Variants in PROSER3 observed in about 807,000 individuals in gnomAD.
PROSER3 encodes proline and serine rich 3.
PROSER3 carries 33 observed loss-of-function variants against 50.2 expected under a neutral mutation model. The ratio of observed to expected loss-of-function variants is 0.66; its 90% CI spans 0.50 to 0.88. PROSER3 has a LOEUF of 0.88. Among genes scored for constraint, PROSER3 ranks in the 40% least tolerant of loss-of-function variants. The pLI is 0.00. For missense variants in PROSER3, 623 were observed against 612.7 expected (o/e 1.02, Z -0.18); for synonymous variants, 266 against 259.3 (o/e 1.03, Z -0.25).
downstream of PROSER3, chr19:35,769,306 C>CT (rs35628507): frequency 8.0e-3 from 1,074 of 134,046 alleles, 25 homozygotes; most frequent in African/African-American, 0.024. Context: ...TCCCCAGCTT[C>CT]TTTTTTTTTT....
intron 8 of PROSER3, chr19:35,767,105 CTG>C (rs1177172564): frequency 9.5e-7 from 1 of 1,055,134 alleles, no homozygotes; most frequent in Non-Finnish European, 1.3e-6. Context: ...CCTCAGTTCT[CTG>C]GGGACCCAGC....
chr19:35,764,855 A>G, exon 6 of PROSER3: 1 of 1,612,898 alleles, frequency 6.2e-7, no homozygotes, highest in Non-Finnish European at 8.5e-7. Flanking sequence ...ACCCTGCAGA[A>G]CCTCCACACA....
At position 35,759,540 on chromosome 19, in the gene PROSER3, A is replaced by AGATATGT. The variant is rs1742598646; in HGVS notation, c.108+72_108+73insTATGTGA. The stretch of plus-strand genomic sequence containing the variant: ...AGAGAATGACCTTTAGAGGGTAGGA[A>AGATATGT]GACATGTGATGAGAGATAGGGATGA... On this transcript the variant is annotated intron_variant, in intron 2 of 10. Transcript: ENST00000396908. The AGATATGT allele has an allele frequency of 4.3e-6, 6 of 1,385,450 alleles. No individual in the cohort carries two copies. In the African/African-American group the frequency reaches 7.2e-5, roughly 17 times the overall value. 85.8% of individuals were successfully genotyped at this position (1,385,450 alleles called of 1,614,324 possible). A position where few individuals can be genotyped will look rare whatever the true frequency, so the allele number is the denominator to read the frequency against.
intron 3 of PROSER3, among the ~76,000 whole-genome samples, chr19:35,761,426 C>T (rs1410687279): frequency 2.6e-5 from 4 of 152,134 alleles, no homozygotes; most frequent in Non-Finnish European, 4.4e-5. Context: ...AATTCCAGCA[C>T]TTTGGGAGGC....
At chr19:35,761,524 T>C (rs1418228842) in intron 3 of PROSER3, among the ~76,000 whole-genome samples, 1 of 151,972 alleles carries the variant, frequency 6.6e-6, no homozygotes, top group Non-Finnish European at 1.5e-5. Context: ...TAGCCGGGCG[T>C]GGTGGTGCAT....
intron 3 of PROSER3, among the ~76,000 whole-genome samples, chr19:35,760,354 A>G (rs1970916921): frequency 6.6e-6 from 1 of 152,108 alleles, no homozygotes; most frequent in African/African-American, 2.4e-5. Flanking sequence ...AGTTGCTGGG[A>G]TTACGATGCA....
chr19:35,765,111 G>C, exon 7 of PROSER3: 1 of 1,613,868 alleles, frequency 6.2e-7, no homozygotes, highest in South Asian at 1.1e-5. Flanking sequence ...AGCTCTGATG[G>C]CCTCTCTCCC....
exon 8 of PROSER3, chr19:35,766,833 C>G: frequency 6.4e-7 from 1 of 1,551,694 alleles, no homozygotes; most frequent in Non-Finnish European, 8.7e-7. Flanking sequence ...CTCCCAAGCA[C>G]CCCTTCGGCC....
chr19:35,759,595 C>T (rs1970886637), intron 2 of PROSER3, 125 bp downstream of exon 2: 2 of 1,035,154 alleles, frequency 1.9e-6, no homozygotes, highest in Non-Finnish European at 2.8e-6. Context: ...CTTGTCCCCT[C>T]CCCACGGCCC....
exon 10 of PROSER3, chr19:35,768,219 G>A: frequency 6.2e-7 from 1 of 1,612,974 alleles, no homozygotes; most frequent in South Asian, 1.1e-5. Flanking sequence ...ATAGGGCAGA[G>A]CTGAGTCGGC....
chr19:35,762,012 T>G lies in PROSER3; in HGVS notation c.312-7T>G. The G allele has an allele frequency of 6.3e-7, 1 of 1,591,584 alleles. No homozygotes were observed. The highest frequency in any genetic ancestry group is 8.6e-7 in the Non-Finnish European group (1 of 1,163,144). On this transcript the variant is annotated splice_region_variant and splice_polypyrimidine_tract_variant and intron_variant, in intron 3 of 10. Coordinates refer to ENST00000396908, the Ensembl canonical transcript of PROSER3. Reference sequence around the variant, plus strand: ...TCCACTCACCTCCTATCCCCTGATGTTCACAGGTATATAAACAGGTTCCGC... The same window carrying G: ...TCCACTCACCTCCTATCCCCTGATGGTCACAGGTATATAAACAGGTTCCGC...
chr19:35,762,423 A>C (rs1970985411), intron 5 of PROSER3, 67 bp downstream of exon 5: 1 of 1,411,742 alleles, frequency 7.1e-7, no homozygotes, highest in Non-Finnish European at 9.8e-7. Flanking sequence ...GGACAGAATT[A>C]GAAGATCAGG....
chr19:35,768,236 G>C, exon 10 of PROSER3: 1 of 1,611,102 alleles, frequency 6.2e-7, no homozygotes, highest in Non-Finnish European at 8.5e-7. Context: ...CGGCAGAAAA[G>C]GTGACCGACC....
At chr19:35,770,243 G>C (rs1369147711), downstream of PROSER3, among the ~76,000 whole-genome samples, 1 of 151,820 alleles carries the variant, frequency 6.6e-6, no homozygotes, top group Non-Finnish European at 1.5e-5. Flanking sequence ...TCACCATGTT[G>C]GCCAGGCTGG....
At chr19:35,761,519 G>A (rs1483804967) in intron 3 of PROSER3, among the ~76,000 whole-genome samples, 3 of 151,964 alleles carry the variant, frequency 2.0e-5, no homozygotes, top group Non-Finnish European at 2.9e-5. Flanking sequence ...CAAATTAGCC[G>A]GGCGTGGTGG....
exon 9 of PROSER3, chr19:35,768,041 G>A (rs989084164): frequency 5.1e-6 from 8 of 1,580,306 alleles, no homozygotes; most frequent in South Asian, 1.1e-5. Flanking sequence ...TGCCCAGGCC[G>A]CCCTGCTGCT....
downstream of PROSER3, chr19:35,769,209 T>C (rs231214): frequency 0.49 from 74,147 of 151,930 alleles, 19,238 homozygotes; most frequent in East Asian, 0.75. Context: ...CCTACCTCAT[T>C]ACCATTTCTA....
chr19:35,764,493 C>A (rs371482773), intron 5 of PROSER3, among the ~76,000 whole-genome samples: 34 of 152,008 alleles, frequency 2.2e-4, no homozygotes, highest in African/African-American at 7.7e-4. Flanking sequence ...CCTGTCTCTA[C>A]TAAAAATACA....
chr19:35,759,862 C>A, exon 3 of PROSER3: 3 of 1,583,282 alleles, frequency 1.9e-6, no homozygotes, highest in Non-Finnish European at 2.6e-6. Flanking sequence ...GGTCCCAACT[C>A]CCCTGAGCTG....
Sources: gnomAD v4.1 joint callset for allele counts (sites outside exome capture counted in the v4.1 genomes callset) on GRCh38, gnomAD v4.1.1 for gene constraint, MANE v1.5 for transcripts, NCBI Gene and HGNC (gene_info 2026-07-23, HGNC 2026-07-21) for gene names.